The following STK39 variants were observed in gnomAD, a reference collection of about 807,000 sequenced individuals.
STK39 encodes serine/threonine kinase 39, also known as STE20/SPS1-related proline-alanine-rich protein kinase.
A neutral mutation model predicts 77.8 loss-of-function variants in STK39; 20 were observed. The observed-to-expected ratio is 0.26, with a 90% CI of 0.18 to 0.37. The LOEUF (loss-of-function observed/expected upper bound fraction) is 0.37. Ranked by LOEUF, STK39 falls within the 10% of genes least tolerant of loss-of-function variation. The probability of loss-of-function intolerance (pLI) is 1.00; values close to 1 mark genes in which losing one functional copy is unlikely to be tolerated. For synonymous variants in STK39, 246 were observed against 234.1 expected (o/e 1.05, Z -0.47); for missense variants, 479 against 656.5 (o/e 0.73, Z 2.95).
chr2:168,146,235 T>C (rs1688136811), intron 5 of STK39, among the ~76,000 whole-genome samples: 2 of 152,214 alleles, frequency 1.3e-5, no homozygotes, highest in Non-Finnish European at 2.9e-5. Context: ...TTTAGGGGCT[T>C]GCTTGCTAAT....
At chr2:168,217,942 C>A (rs938174936) in intron 1 of STK39, among the ~76,000 whole-genome samples, 1 of 152,208 alleles carries the variant, frequency 6.6e-6, no homozygotes, top group African/African-American at 2.4e-5. Flanking sequence ...ACTACTAATT[C>A]TAAGATCACG....
chr2:168,171,673 G>C (rs1688828327), intron 2 of STK39, among the ~76,000 whole-genome samples: 1 of 151,794 alleles, frequency 6.6e-6, no homozygotes, highest in South Asian at 2.1e-4. Flanking sequence ...ATTTTTTGTA[G>C]AGACAGGGTC....
intron 10 of STK39, among the ~76,000 whole-genome samples, chr2:168,113,979 C>G (rs527973513): frequency 1.3e-5 from 2 of 152,316 alleles, no homozygotes; most frequent in South Asian, 2.1e-4. Context: ...TTTGTTCAAA[C>G]AGATGCATTC....
chr2:167,986,039 G>C (rs903246391), intron 16 of STK39, among the ~76,000 whole-genome samples: 2 of 152,072 alleles, frequency 1.3e-5, no homozygotes, highest in African/African-American at 4.8e-5. Flanking sequence ...TATTTCTCTA[G>C]GTTGGAATTC....
At chr2:168,238,449 G>T (rs181664470) in intron 1 of STK39, among the ~76,000 whole-genome samples, 23 of 152,320 alleles carry the variant, frequency 1.5e-4, no homozygotes, top group Non-Finnish European at 2.9e-5. Flanking sequence ...TTACCTGGAA[G>T]AAGTTTGAAA....
At position 168,057,671 on chromosome 2, in the gene STK39, C is replaced by T. The variant is rs954060039; in HGVS notation, c.1376+5829G>A. 3.9e-5 allele frequency among the ~76,000 whole-genome samples: 6 copies of T among 152,314 alleles called. 1 individual carries two copies. In the South Asian group the frequency reaches 1.2e-3, roughly 32 times the overall value. ...TGCATTTCCCTAGAAAATTTACTCT[C>T]CTGCTCTCCTACACAATTATTCTCC... On this transcript the variant is annotated intron_variant, in intron 14 of 17. Coordinates refer to ENST00000355999, the MANE Select transcript of STK39 (RefSeq NM_013233.3).
At chr2:168,035,562 G>C (rs1684930304) in intron 14 of STK39, among the ~76,000 whole-genome samples, 1 of 152,164 alleles carries the variant, frequency 6.6e-6, no homozygotes, top group Non-Finnish European at 1.5e-5. Context: ...TTACACTGAT[G>C]GGTGAGTTAA....
chr2:168,195,311 G>A (rs543784820), intron 1 of STK39, among the ~76,000 whole-genome samples: 2 of 152,276 alleles, frequency 1.3e-5, no homozygotes, highest in East Asian at 3.9e-4. Context: ...GTGGTGGGAA[G>A]ATCGCTTGAG....
intron 8 of STK39, among the ~76,000 whole-genome samples, chr2:168,133,754 A>G (rs1251331764): frequency 6.6e-6 from 1 of 152,014 alleles, no homozygotes. Context: ...GCTACTCAGG[A>G]GGCTGAGGCA....
intron 12 of STK39, among the ~76,000 whole-genome samples, chr2:168,066,609 A>T (rs1430949059): frequency 6.6e-6 from 1 of 152,218 alleles, no homozygotes; most frequent in Non-Finnish European, 1.5e-5. Context: ...TTAGTCAAAG[A>T]ACTACTGTAA....
chr2:168,153,005 A>G (rs1688330719), intron 5 of STK39, among the ~76,000 whole-genome samples: 1 of 152,158 alleles, frequency 6.6e-6, no homozygotes, highest in Non-Finnish European at 1.5e-5. Flanking sequence ...AAATAACACA[A>G]CTCCAGTTGC....
At chr2:168,104,409 A>G (rs1686915756) in intron 10 of STK39, among the ~76,000 whole-genome samples, 1 of 152,220 alleles carries the variant, frequency 6.6e-6, no homozygotes, top group Admixed American at 6.5e-5. Context: ...TCATTATTGC[A>G]AGTAGTATAA....
chr2:168,120,476 T>C (rs1356931974), intron 10 of STK39, among the ~76,000 whole-genome samples: 1 of 152,234 alleles, frequency 6.6e-6, no homozygotes, highest in African/African-American at 2.4e-5. Context: ...TTTCACTGTC[T>C]GTGCTATGTC....
At chr2:168,227,533 C>T (rs74928724) in intron 1 of STK39, among the ~76,000 whole-genome samples, 6,016 of 152,274 alleles carry the variant, frequency 0.04, 181 homozygotes, top group Non-Finnish European at 0.063. Flanking sequence ...AATCCTCATG[C>T]TGCCAGCTCT....
At chr2:168,111,235 T>G (rs1687113186) in intron 10 of STK39, among the ~76,000 whole-genome samples, 2 of 152,210 alleles carry the variant, frequency 1.3e-5, no homozygotes, top group African/African-American at 4.8e-5. Flanking sequence ...TCACTAATTT[T>G]TGTTATTCAT....
In STK39 at chr2:167,973,621, GA is replaced by G. The variant is rs1208676179; in HGVS notation, c.1499-8896del. Among the ~76,000 whole-genome samples, 3 of 152,196 alleles carry G rather than the reference GA, an allele frequency of 2.0e-5. No individual in the cohort carries two copies. The East Asian group carries it at 5.8e-4, about 29-fold the overall frequency. On this transcript the variant is annotated intron_variant, in intron 16 of 17. Transcript: ENST00000355999. ...TTGCTGAGTTACCATTATAACATAT[GA>G]TTGAGACTACTGAAAAAATGGTTTT...
intron 1 of STK39, among the ~76,000 whole-genome samples, chr2:168,210,062 G>GAAGGAAGA (rs879869797): frequency 5.7e-4 from 85 of 148,568 alleles, no homozygotes; most frequent in Non-Finnish European, 5.6e-4. Context: ...AGGAAGGAAG[G>GAAGGAAGA]AAGGAAGGAA....
intron 1 of STK39, among the ~76,000 whole-genome samples, chr2:168,202,740 C>A (rs995629655): frequency 1.3e-5 from 2 of 151,272 alleles, no homozygotes; most frequent in African/African-American, 4.9e-5. Context: ...TGTGAAGAAT[C>A]TGGGAAACAT....
chr2:168,057,885 C>T (rs141338447), intron 14 of STK39, among the ~76,000 whole-genome samples: 27 of 152,284 alleles, frequency 1.8e-4, no homozygotes, highest in African/African-American at 6.0e-4. Context: ...CCTCTCCTTT[C>T]TCCTATCTAA....
Sources: gnomAD v4.1 joint callset for allele counts (sites outside exome capture counted in the v4.1 genomes callset) on GRCh38, gnomAD v4.1.1 for gene constraint, MANE v1.5 for transcripts, NCBI Gene and HGNC (gene_info 2026-07-23, HGNC 2026-07-21) for gene names.